The following JAK2 variants were observed in gnomAD, a reference collection of about 807,000 sequenced individuals.
JAK2 encodes the protein Janus kinase 2.
JAK2 carries 86 observed loss-of-function variants against 139.3 expected under a neutral mutation model. That is an observed-to-expected ratio of 0.62 (90% CI 0.52 to 0.74). The LOEUF is 0.74. Among genes scored for constraint, JAK2 ranks in the 30% least tolerant of loss-of-function variants. The probability of loss-of-function intolerance (pLI) is 0.00; values close to 1 mark genes in which losing one functional copy is unlikely to be tolerated. For synonymous variants in JAK2, 490 were observed against 437.7 expected (o/e 1.12, Z -1.49); for missense variants, 1,421 against 1,360.3 (o/e 1.04, Z -0.70).
rs529558790 is a variant in JAK2, at chr9:5,128,662, C to G, written c.*1871C>G. On this transcript the variant is annotated 3_prime_UTR_variant, in exon 25 of 25. Transcript: ENST00000381652. The stretch of plus-strand genomic sequence containing the variant: ...ATATAAAGAATCCCACATGTACATT[C>G]TTGTTTTTAGAATGGGGTGACTACC... 1.8e-4 allele frequency among the ~76,000 whole-genome samples: 28 copies of G among 151,952 alleles called. No individual in the cohort carries two copies. Among genetic ancestry groups the G allele is most frequent in the African/African-American group, 6.5e-4 (27 of 41,542 alleles).
chr9:5,095,466 C>T (rs1820917711), intron 22 of JAK2, among the ~76,000 whole-genome samples: 1 of 151,958 alleles, frequency 6.6e-6, no homozygotes. Context: ...ACAACCCGTC[C>T]TCCGGGCAAT....
At chr9:5,076,239 G>T (rs2130574142) in intron 14 of JAK2, among the ~76,000 whole-genome samples, 1 of 152,346 alleles carries the variant, frequency 6.6e-6, no homozygotes, top group Admixed American at 6.5e-5. Flanking sequence ...TGATCAAGCA[G>T]TTGCAGGGTT....
intron 22 of JAK2, among the ~76,000 whole-genome samples, chr9:5,095,442 G>GTA (rs1820914490): frequency 6.6e-6 from 1 of 152,064 alleles, no homozygotes; most frequent in Non-Finnish European, 1.5e-5. Context: ...TTCTCATGAT[G>GTA]GGTATCCTTT....
chr9:5,055,011 A>G (rs1817665332), intron 7 of JAK2, 127 bp downstream of exon 7: 6 of 665,764 alleles, frequency 9.0e-6, no homozygotes, highest in Non-Finnish European at 1.2e-5. Context: ...GAAGTTTTTA[A>G]TAGCGTGAAC....
chr9:5,063,486 T>C (rs748056425), intron 8 of JAK2, among the ~76,000 whole-genome samples: 13 of 152,336 alleles, frequency 8.5e-5, no homozygotes, highest in Non-Finnish European at 1.8e-4. Flanking sequence ...CTGGTAACTA[T>C]GTTTTCATCT....
At chr9:5,077,803 A>C (rs946924606) in intron 15 of JAK2, among the ~76,000 whole-genome samples, 2 of 152,374 alleles carry the variant, frequency 1.3e-5, no homozygotes, top group East Asian at 3.9e-4. Context: ...TCTTAGAACT[A>C]CTAATAGACA....
intron 22 of JAK2, among the ~76,000 whole-genome samples, chr9:5,115,849 T>G (rs181474653): frequency 6.6e-6 from 1 of 151,760 alleles, no homozygotes; most frequent in East Asian, 1.9e-4. Flanking sequence ...TAAGTGGGAG[T>G]TGAACAATGA....
chr9:5,022,730 C>T (rs892295046), intron 3 of JAK2, among the ~76,000 whole-genome samples: 6 of 152,196 alleles, frequency 3.9e-5, no homozygotes, highest in African/African-American at 1.2e-4. Context: ...TATCTATGGA[C>T]CAAAACTGTG....
At chr9:5,085,602 A>G in intron 19 of JAK2, 1 of 698,102 alleles carries the variant, frequency 1.4e-6, no homozygotes, top group Non-Finnish European at 2.7e-6. Context: ...ATACTACAGA[A>G]AGAATTAAAT....
intron 2 of JAK2, among the ~76,000 whole-genome samples, chr9:4,997,936 T>C (rs1310309655): frequency 6.6e-6 from 1 of 152,216 alleles, no homozygotes; most frequent in African/African-American, 2.4e-5. Flanking sequence ...TTAATCTGAA[T>C]GCATTATGAT....
At chr9:5,075,206 G>A (rs547243843) in intron 14 of JAK2, among the ~76,000 whole-genome samples, 2 of 152,286 alleles carry the variant, frequency 1.3e-5, no homozygotes, top group African/African-American at 4.8e-5. Flanking sequence ...GCAAGGTGAA[G>A]CAGCAAATGC....
intron 12 of JAK2, 63 bp downstream of exon 12, chr9:5,070,115 A>G: frequency 8.7e-7 from 1 of 1,149,324 alleles, no homozygotes; most frequent in South Asian, 1.7e-5. Flanking sequence ...TGTTTTCTTG[A>G]TTTACATTCA....
At chr9:5,112,670 G>GA (rs1822718072) in intron 22 of JAK2, 8 of 952,914 alleles carry the variant, frequency 8.4e-6, no homozygotes, top group Non-Finnish European at 1.2e-5. Context: ...CCTGCACCAG[G>GA]CCGTCTCGGT....
chr9:5,082,964 A>C (rs1426420102), intron 19 of JAK2, among the ~76,000 whole-genome samples: 1 of 152,250 alleles, frequency 6.6e-6, no homozygotes, highest in Non-Finnish European at 1.5e-5. Flanking sequence ...CTACATAGAC[A>C]CAGTAACACA....
intron 8 of JAK2, among the ~76,000 whole-genome samples, chr9:5,062,459 T>C (rs1023840930): frequency 7.1e-6 from 1 of 140,666 alleles, no homozygotes; most frequent in Non-Finnish European, 1.5e-5. Context: ...CTGATAGACT[T>C]GTACTTGCTC....
chr9:5,072,597 C>A lies in JAK2; in HGVS notation c.1747C>A (p.Leu583Met). The change falls in exon 13 of 25, where the codon CTG becomes ATG. Residue 583 changes from leucine (L) to methionine (M), a missense_variant. Coordinates refer to ENST00000381652, the MANE Select transcript of JAK2 (RefSeq NM_004972.4). ...TGAAACAGAAGTTCTTTTAAAAGTTCTGGATAAAGCACACAGAAACTATTC... is the reference window on the plus strand; with the variant it reads ...TGAAACAGAAGTTCTTTTAAAAGTTATGGATAAAGCACACAGAAACTATTC... The part of the protein sequence containing the change: ...LHETEVLLKV[L>M]DKAHRNYSES... The A allele has an allele frequency of 6.2e-7, 1 of 1,608,472 alleles. No individual in the cohort carries two copies. Among genetic ancestry groups the A allele is most frequent in the Non-Finnish European group, 8.5e-7 (1 of 1,176,608 alleles).
At chr9:5,045,511 C>G (rs1816942354) in intron 5 of JAK2, among the ~76,000 whole-genome samples, 1 of 152,174 alleles carries the variant, frequency 6.6e-6, no homozygotes, top group African/African-American at 2.4e-5. Flanking sequence ...CACCATCCAT[C>G]TCCAGAACAT....
intron 3 of JAK2, among the ~76,000 whole-genome samples, chr9:5,027,203 G>T (rs964173848): frequency 6.6e-6 from 1 of 152,152 alleles, no homozygotes; most frequent in African/African-American, 2.4e-5. Context: ...TTAAAATACT[G>T]ACACACCTCG....
Position 5,077,633 on chromosome 9 carries a change from T to A in JAK2, c.1992+53T>A, listed in dbSNP as rs556351930. ...GATACTATTTTATTTTATAAAACAA[T>A]ATACAAATTATCTTTACCTGGAAAC... On this transcript the variant is annotated intron_variant, in intron 15 of 24. Transcript: ENST00000381652. The A allele has an allele frequency of 1.4e-4, 164 of 1,142,358 alleles. No homozygotes were observed. The African/African-American group carries it at 1.7e-3, about 12-fold the overall frequency. The allele number at this position is 1,142,358 out of a possible 1,614,324, so 70.8% of individuals were successfully genotyped here.
Sources: allele counts gnomAD v4.1 joint callset (sites outside exome capture counted in the v4.1 genomes callset), GRCh38; gene constraint gnomAD v4.1.1; transcripts MANE v1.5; gene names NCBI Gene and HGNC (gene_info 2026-07-23, HGNC 2026-07-21).